Variants in IFT88 observed in about 807,000 individuals in gnomAD.
IFT88 encodes intraflagellar transport protein 88 homolog.
Under a neutral mutation model 119.5 loss-of-function variants are expected in IFT88, and 74 were observed. That is an observed-to-expected ratio of 0.62 (90% CI 0.51 to 0.75). IFT88 has a LOEUF of 0.75. Ranked by LOEUF, IFT88 falls within the 30% of genes least tolerant of loss-of-function variation. The pLI is 0.00. For synonymous variants in IFT88, 279 were observed against 316.7 expected (o/e 0.88, Z 1.26); for missense variants, 961 against 977.7 (o/e 0.98, Z 0.23).
intron 12 of IFT88, among the ~76,000 whole-genome samples, chr13:20,603,386 CA>C (rs59421842): frequency 0.33 from 31,821 of 95,888 alleles, 4,133 homozygotes; most frequent in African/African-American, 0.48. Context: ...AACTCCATCT[CA>C]AAAAAAAAAA....
chr13:20,660,711 AAT>A (rs1216465814), intron 22 of IFT88, among the ~76,000 whole-genome samples: 6 of 152,166 alleles, frequency 3.9e-5, no homozygotes, highest in African/African-American at 1.4e-4. Flanking sequence ...TAATTGCACA[AAT>A]ATAGCTCTGG....
intron 14 of IFT88, among the ~76,000 whole-genome samples, chr13:20,616,942 TTTG>T (rs894203653): frequency 1.1e-4 from 17 of 151,870 alleles, no homozygotes; most frequent in African/African-American, 2.9e-4. Context: ...TTGGTTTTTT[TTTG>T]TTGTTGTTGT....
intron 23 of IFT88, among the ~76,000 whole-genome samples, chr13:20,670,144 G>A (rs1028781926): frequency 2.6e-5 from 4 of 152,104 alleles, no homozygotes; most frequent in Non-Finnish European, 5.9e-5. Context: ...TTATGTTTAT[G>A]TCTTATGTTT....
chr13:20,583,531 A>C (rs1414343873), intron 3 of IFT88, among the ~76,000 whole-genome samples: 1 of 152,154 alleles, frequency 6.6e-6, no homozygotes, highest in Non-Finnish European at 1.5e-5. Flanking sequence ...CTGGATATTA[A>C]TGTCTTATCA....
chr13:20,665,973 T>G (rs1315468430), intron 23 of IFT88, among the ~76,000 whole-genome samples: 1 of 152,252 alleles, frequency 6.6e-6, no homozygotes, highest in Non-Finnish European at 1.5e-5. Flanking sequence ...CCTTTGGAAT[T>G]GAAGCCACTA....
At chr13:20,618,904 T>C (rs1452731678) in intron 14 of IFT88, among the ~76,000 whole-genome samples, 1 of 151,104 alleles carries the variant, frequency 6.6e-6, no homozygotes, top group Non-Finnish European at 1.5e-5. Context: ...TCACCCAGGC[T>C]GGAGTGCAGT....
intron 15 of IFT88, among the ~76,000 whole-genome samples, chr13:20,626,745 A>G (rs1046677005): frequency 2.6e-5 from 4 of 152,198 alleles, no homozygotes; most frequent in African/African-American, 7.2e-5. Context: ...CTGACACACA[A>G]TCAGGAGGCT....
In IFT88 at chr13:20,591,027, C is replaced by T. The variant is rs745557327; in HGVS notation, c.264+7C>T. The T allele has an allele frequency of 6.3e-7, 1 of 1,596,380 alleles. No individual in the cohort carries two copies. Among genetic ancestry groups the T allele is most frequent in the Non-Finnish European group, 8.6e-7 (1 of 1,169,006 alleles). On this transcript the variant is annotated splice_region_variant and intron_variant, in intron 5 of 25. Transcript: ENST00000351808. ...AATGACAGGGGCTATTCAGGTATCT[C>T]TATTGGATGCATGTTCATTTTGTGC...
intron 2 of IFT88, among the ~76,000 whole-genome samples, chr13:20,580,720 T>C (rs1490542824): frequency 6.9e-6 from 1 of 145,094 alleles, no homozygotes; most frequent in Non-Finnish European, 1.5e-5. Context: ...AGATTTTCTT[T>C]TTTCTTTTTT....
Position 20,641,331 on chromosome 13 carries a change from G to A in IFT88, c.1615G>A (p.Asp539Asn), listed in dbSNP as rs761712414. 1.2e-6 allele frequency: 2 copies of A among 1,612,408 alleles called. No homozygotes were observed. The highest frequency in any genetic ancestry group is 1.7e-6 in the Non-Finnish European group (2 of 1,179,090). The change falls in exon 18 of 26, where the codon GAC becomes AAC. Residue 539 changes from aspartate to asparagine, a missense_variant. Physicochemically the swap from Asp to Asn is conservative, Grantham distance 23. Transcript: ENST00000351808. The part of the protein sequence containing the change: ...EKLNRLDEAL[D>N]CFLKLHAILR... ...ACTAAATCGGCTAGATGAGGCTTTG[G>A]ACTGTTTCCTGAAACTTCACGCAAT...
chr13:20,581,001 A>G (rs987250770), intron 2 of IFT88, among the ~76,000 whole-genome samples: 13 of 152,270 alleles, frequency 8.5e-5, no homozygotes, highest in African/African-American at 2.9e-4. Context: ...CTGGGATTAC[A>G]GGCATGAGCC....
At chr13:20,647,298 C>CT (rs1057153791) in intron 20 of IFT88, among the ~76,000 whole-genome samples, 2 of 152,062 alleles carry the variant, frequency 1.3e-5, no homozygotes, top group Non-Finnish European at 2.9e-5. Context: ...CACATTTTCT[C>CT]TTTTTTACAT....
At chr13:20,589,905 T>C (rs778760143) in intron 4 of IFT88, 38 bp downstream of exon 4, 1 of 1,242,802 alleles carries the variant, frequency 8.0e-7, no homozygotes, top group Non-Finnish European at 1.2e-6. Context: ...AGATGCTTTT[T>C]CTCATACAAT....
intron 14 of IFT88, among the ~76,000 whole-genome samples, chr13:20,622,235 C>T (rs993355633): frequency 9.2e-5 from 14 of 152,168 alleles, no homozygotes; most frequent in Admixed American, 5.9e-4. Flanking sequence ...TTTATTCATT[C>T]ACCTATTGAA....
intron 20 of IFT88, among the ~76,000 whole-genome samples, chr13:20,652,607 C>T (rs1425741233): frequency 6.6e-6 from 1 of 150,626 alleles, no homozygotes; most frequent in Non-Finnish European, 1.5e-5. Context: ...CAGACTGGGA[C>T]CCTGTCTGAA....
At chr13:20,601,501 TATAA>T (rs1171148464) in intron 11 of IFT88, among the ~76,000 whole-genome samples, 200 bp from the exon 12 acceptor site, 1 of 152,224 alleles carries the variant, frequency 6.6e-6, no homozygotes, top group Admixed American at 6.5e-5. Flanking sequence ...TCCACAACTA[TATAA>T]ATACAGCAAT....
Position 20,681,762 on chromosome 13 carries a change from C to A in IFT88, c.2243-8943C>A, listed in dbSNP as rs1420158349. Among the ~76,000 whole-genome samples the A allele has an allele frequency of 2.6e-5, 4 of 152,202 alleles. No individual in the cohort carries two copies. The East Asian group carries it at 7.7e-4, about 29-fold the overall frequency. On this transcript the variant is annotated intron_variant, in intron 24 of 25. Transcript: ENST00000351808. ...TCAACTAACTGTGTGGAATGAACCA[C>A]ATATGAAGAATCAGAAATTACATTG...
chr13:20,572,435 T>C (rs1184418643), intron 1 of IFT88, among the ~76,000 whole-genome samples: 1 of 152,102 alleles, frequency 6.6e-6, no homozygotes, highest in Admixed American at 6.5e-5. Context: ...ACCAAGCTGG[T>C]CTCAAACTCC....
intron 11 of IFT88, among the ~76,000 whole-genome samples, chr13:20,599,845 C>T (rs1185730501): frequency 4.6e-5 from 7 of 152,054 alleles, no homozygotes; most frequent in African/African-American, 7.2e-5. Context: ...TAACTTAATG[C>T]GGACACAAAA....
Sources: allele counts gnomAD v4.1 joint callset (sites outside exome capture counted in the v4.1 genomes callset), GRCh38; gene constraint gnomAD v4.1.1; transcripts MANE v1.5; gene names NCBI Gene and HGNC (gene_info 2026-07-23, HGNC 2026-07-21).